MDGA2: variants seen among roughly 807,000 people sequenced by gnomAD.
MDGA2 encodes the protein MAM domain containing glycosylphosphatidylinositol anchor 2.
Under a neutral mutation model 117.8 loss-of-function variants are expected in MDGA2, and 40 were observed. The observed-to-expected ratio is 0.34, with a 90% CI of 0.26 to 0.44. MDGA2 has a LOEUF of 0.44. MDGA2 is among the 20% of genes least tolerant of loss of function. The pLI is 1.00. For missense variants in MDGA2, 1,123 were observed against 1,250.6 expected, an observed-to-expected ratio of 0.90 and a Z score of 1.54; for synonymous variants, 452 against 439.0, an observed-to-expected ratio of 1.03 and a Z score of -0.37.
chr14:47,638,176 A>T lies in MDGA2; in HGVS notation c.280+36341T>A, dbSNP rs1897357793. ...TGTCCACAGAATACACGTGTGCATT[A>T]TGGGTGTGTGTGCAGATATACGAAT... On this transcript the variant is annotated intron_variant, in intron 1 of 16. Coordinates refer to ENST00000399232, the MANE Select transcript of MDGA2 (RefSeq NM_001113498.3). Among the ~76,000 whole-genome samples, 4 of 152,198 alleles carry T rather than the reference A, an allele frequency of 2.6e-5. No homozygotes were observed. The South Asian group carries it at 8.3e-4, about 31-fold the overall frequency.
chr14:46,971,170 A>G (rs984724994), intron 8 of MDGA2, among the ~76,000 whole-genome samples: 2 of 152,136 alleles, frequency 1.3e-5, no homozygotes, highest in African/African-American at 4.8e-5. Flanking sequence ...ACTCAAAAAA[A>G]ATAAAAATAG....
At chr14:47,021,850 A>G (rs1267585979) in intron 8 of MDGA2, among the ~76,000 whole-genome samples, 1 of 152,216 alleles carries the variant, frequency 6.6e-6, no homozygotes, top group African/African-American at 2.4e-5. Context: ...ATCCAGAGCC[A>G]GACTTAGAAT....
At chr14:47,300,050 C>A (rs980266286) in intron 2 of MDGA2, among the ~76,000 whole-genome samples, 1 of 152,044 alleles carries the variant, frequency 6.6e-6, no homozygotes. Flanking sequence ...TTCTGTGATG[C>A]TTTATATGCC....
chr14:47,015,914 A>G (rs1888067318), intron 8 of MDGA2, among the ~76,000 whole-genome samples: 1 of 152,090 alleles, frequency 6.6e-6, no homozygotes, highest in Admixed American at 6.5e-5. Context: ...AAGAATTTGG[A>G]GAGTTATAAT....
At chr14:47,174,294 G>A (rs970815981) in intron 3 of MDGA2, among the ~76,000 whole-genome samples, 43 of 152,040 alleles carry the variant, frequency 2.8e-4, no homozygotes, top group African/African-American at 7.7e-4. Context: ...TGCACCAAGC[G>A]GACCTAATAG....
At chr14:47,402,649 T>C (rs35953223) in intron 1 of MDGA2, among the ~76,000 whole-genome samples, 40,050 of 152,036 alleles carry the variant, frequency 0.26, 5,617 homozygotes, top group Middle Eastern at 0.41. Context: ...TCTTTAAAAA[T>C]GTGTTTTTTT....
In MDGA2 at chr14:46,891,334, TGAAGA is replaced by T. The variant is rs148416284; in HGVS notation, c.2239-9118_2239-9114del. ...TCTAGAAAAAATAAAATGATAAAAATGAAGAGAAAAGAGTAAATATGGTATCTCAG... is the reference window on the plus strand; with the variant it reads ...TCTAGAAAAAATAAAATGATAAAAATGAAAAGAGTAAATATGGTATCTCAG... On this transcript the variant is annotated intron_variant, in intron 10 of 16. Transcript: ENST00000399232. 2.3e-3 allele frequency among the ~76,000 whole-genome samples: 345 copies of T among 151,740 alleles called. 2 individuals carry two copies. Among genetic ancestry groups the T allele is most frequent in the African/African-American group, 7.9e-3 (328 of 41,520 alleles).
intron 9 of MDGA2, among the ~76,000 whole-genome samples, chr14:46,924,287 C>G (rs1024248330): frequency 6.6e-6 from 1 of 151,702 alleles, no homozygotes. Flanking sequence ...ATTGAGATTG[C>G]AAAATATAAT....
chr14:47,407,814 C>A (rs530080202), intron 1 of MDGA2, among the ~76,000 whole-genome samples: 3 of 152,208 alleles, frequency 2.0e-5, no homozygotes, highest in Non-Finnish European at 4.4e-5. Context: ...GCTAAAAAGG[C>A]CTCCCTTCAG....
chr14:46,988,091 G>A (rs1441875082), intron 8 of MDGA2, among the ~76,000 whole-genome samples: 1 of 151,782 alleles, frequency 6.6e-6, no homozygotes, highest in African/African-American at 2.4e-5. Context: ...TGGAGAACAT[G>A]GCTTCTTAGG....
At position 47,333,346 on chromosome 14, in the gene MDGA2, TATG is replaced by T. The variant is rs1320794887; in HGVS notation, c.281-31799_281-31797del. Among the ~76,000 whole-genome samples the T allele has an allele frequency of 6.6e-5, 10 of 152,048 alleles. No individual in the cohort carries two copies. In the East Asian group the frequency reaches 1.9e-3, roughly 29 times the overall value. On this transcript the variant is annotated intron_variant, in intron 1 of 16. Transcript: ENST00000399232. ...TTAATAATAGCCAACCTGACTGGTG[TATG>T]ATGATTTTTCCACAAACTATCACAA... is the stretch of plus-strand genomic sequence containing the variant.
intron 3 of MDGA2, among the ~76,000 whole-genome samples, chr14:47,206,106 A>G (rs1462385170): frequency 6.6e-6 from 1 of 152,050 alleles, no homozygotes; most frequent in Admixed American, 6.5e-5. Flanking sequence ...GGGTTTTCCA[A>G]CCAAAACATA....
At chr14:47,464,657 A>C (rs533036272) in intron 1 of MDGA2, among the ~76,000 whole-genome samples, 11 of 152,324 alleles carry the variant, frequency 7.2e-5, no homozygotes, top group African/African-American at 2.6e-4. Context: ...GAGAATCACC[A>C]AACACTGCTC....
chr14:47,108,760 G>T (rs190697322), intron 5 of MDGA2, among the ~76,000 whole-genome samples: 1 of 152,072 alleles, frequency 6.6e-6, no homozygotes, highest in Non-Finnish European at 1.5e-5. Flanking sequence ...ACACGGATGC[G>T]CAAGAAAATG....
intron 1 of MDGA2, among the ~76,000 whole-genome samples, chr14:47,598,184 T>C (rs1309286750): frequency 1.3e-5 from 2 of 152,186 alleles, no homozygotes; most frequent in Non-Finnish European, 2.9e-5. Context: ...CAAATGTTAG[T>C]AAGGATATTG....
At chr14:47,537,151 C>T (rs968671129) in intron 1 of MDGA2, among the ~76,000 whole-genome samples, 1 of 151,908 alleles carries the variant, frequency 6.6e-6, no homozygotes, top group Admixed American at 6.6e-5. Flanking sequence ...TTCCTTCAAA[C>T]GTGCAACCGT....
chr14:47,593,370 C>T (rs776292256), intron 1 of MDGA2, among the ~76,000 whole-genome samples: 1 of 152,172 alleles, frequency 6.6e-6, no homozygotes, highest in East Asian at 1.9e-4. Context: ...ACCCATCAAT[C>T]CCATTACTGG....
intron 1 of MDGA2, among the ~76,000 whole-genome samples, chr14:47,416,859 C>G (rs972340022): frequency 3.9e-5 from 6 of 152,126 alleles, no homozygotes; most frequent in Admixed American, 1.3e-4. Context: ...TGAAATCATT[C>G]TGCTCCCACC....
At chr14:46,928,516 C>A (rs1884416420) in intron 9 of MDGA2, among the ~76,000 whole-genome samples, 2 of 151,126 alleles carry the variant, frequency 1.3e-5, no homozygotes, top group African/African-American at 2.4e-5. Context: ...TCACTTCACA[C>A]CAACAAAAGC....
Sources: allele counts gnomAD v4.1 joint callset (sites outside exome capture counted in the v4.1 genomes callset), GRCh38; gene constraint gnomAD v4.1.1; transcripts MANE v1.5; gene names NCBI Gene and HGNC (gene_info 2026-07-23, HGNC 2026-07-21).